The following SNTG1 variants were observed in gnomAD, a reference collection of about 807,000 sequenced individuals.
SNTG1 encodes the protein syntrophin gamma 1.
Under a neutral mutation model 74.7 loss-of-function variants are expected in SNTG1, and 39 were observed. The ratio of observed to expected loss-of-function variants is 0.52; its 90% CI spans 0.40 to 0.68. SNTG1 has a LOEUF of 0.68. Ranked by LOEUF, SNTG1 falls within the 30% of genes least tolerant of loss-of-function variation. The pLI, the probability that SNTG1 is intolerant of heterozygous loss-of-function variation, is 0.00. For synonymous variants in SNTG1, 254 were observed against 217.1 expected (o/e 1.17, Z -1.49); for missense variants, 685 against 609.5 (o/e 1.12, Z -1.30).
At chr8:50,747,437 T>TTG (rs1554625748) in intron 17 of SNTG1, among the ~76,000 whole-genome samples, 10 of 151,652 alleles carry the variant, frequency 6.6e-5, no homozygotes, top group Non-Finnish European at 1.3e-4. Context: ...ACAAGTTTTT[T>TTG]TGTGCATGTG....
chr8:50,434,017 C>T (rs1228241119), intron 4 of SNTG1, among the ~76,000 whole-genome samples: 1 of 151,866 alleles, frequency 6.6e-6, no homozygotes, highest in African/African-American at 2.4e-5. Context: ...TTAGGTATAT[C>T]TCCTAATGCT....
chr8:50,183,721 T>A (rs2083287476), intron 2 of SNTG1, among the ~76,000 whole-genome samples: 1 of 152,198 alleles, frequency 6.6e-6, no homozygotes, highest in South Asian at 2.1e-4. Context: ...CATACAACTA[T>A]GCTGATGAGT....
chr8:50,533,891 A>G (rs2130366176), intron 10 of SNTG1, among the ~76,000 whole-genome samples: 1 of 152,320 alleles, frequency 6.6e-6, no homozygotes, highest in Non-Finnish European at 1.5e-5. Flanking sequence ...AAGATTTGTA[A>G]AACCTACCGT....
chr8:50,247,652 C>T (rs919837604), intron 2 of SNTG1, among the ~76,000 whole-genome samples: 2 of 151,230 alleles, frequency 1.3e-5, no homozygotes, highest in Non-Finnish European at 2.9e-5. Flanking sequence ...ACTAACGGTG[C>T]ATTCCACCAG....
chr8:50,491,302 C>G (rs1462610687), intron 8 of SNTG1: 7 of 152,234 alleles, frequency 4.6e-5, no homozygotes, highest in African/African-American at 1.7e-4. Flanking sequence ...ATTCCTAGGC[C>G]TCTGGGAGTT....
intron 1 of SNTG1, among the ~76,000 whole-genome samples, chr8:50,114,651 G>T (rs1454500619): frequency 6.6e-6 from 1 of 152,094 alleles, no homozygotes; most frequent in East Asian, 1.9e-4. Context: ...TGGATCACGA[G>T]GTCAAGAGAC....
chr8:50,379,475 G>C (rs551275247), intron 2 of SNTG1, among the ~76,000 whole-genome samples: 16 of 152,226 alleles, frequency 1.1e-4, no homozygotes, highest in East Asian at 2.0e-4. Context: ...GGGATGTCTG[G>C]ATCCACAGCT....
chr8:50,245,708 CAA>C (rs1412298017), intron 2 of SNTG1, among the ~76,000 whole-genome samples: 1 of 151,744 alleles, frequency 6.6e-6, no homozygotes, highest in Non-Finnish European at 1.5e-5. Flanking sequence ...CAAAAGAAAA[CAA>C]AACAAAAAAA....
intron 2 of SNTG1, among the ~76,000 whole-genome samples, chr8:50,349,911 G>C (rs1189179521): frequency 1.3e-5 from 2 of 152,174 alleles, no homozygotes; most frequent in Non-Finnish European, 2.9e-5. Flanking sequence ...TTGCAGGGAG[G>C]TGTGGAGTGA....
At chr8:50,508,161 A>C (rs2094026933) in intron 9 of SNTG1, among the ~76,000 whole-genome samples, 1 of 152,182 alleles carries the variant, frequency 6.6e-6, no homozygotes, top group Admixed American at 6.5e-5. Context: ...GAGTGAGAAC[A>C]AGCAGTGTTT....
chr8:50,324,797 T>A (rs1156837191), intron 2 of SNTG1, among the ~76,000 whole-genome samples: 1 of 151,908 alleles, frequency 6.6e-6, no homozygotes, highest in Non-Finnish European at 1.5e-5. Context: ...ACTATGCCTC[T>A]GGTTATATAT....
chr8:50,409,609 G>T (rs1335410169), intron 4 of SNTG1, among the ~76,000 whole-genome samples: 3 of 152,128 alleles, frequency 2.0e-5, no homozygotes, highest in Admixed American at 2.0e-4. Context: ...TTCCCCTGGT[G>T]CTCCAGGGGA....
chr8:50,325,862 A>G (rs532765375), intron 2 of SNTG1, among the ~76,000 whole-genome samples: 3 of 152,156 alleles, frequency 2.0e-5, no homozygotes, highest in African/African-American at 7.2e-5. Context: ...GTGTGATGTC[A>G]GTTATTCTGT....
chr8:50,658,624 A>G lies in SNTG1; in HGVS notation c.999A>G (p.Lys333=). Residue 333 remains lysine (K), a synonymous_variant, in exon 15 of 19, where the codon AAA becomes AAG. Transcript: ENST00000642720. ...VTTWDWTRAE[K]TFSVYEIMCK... is the part of the protein sequence containing the mutation. ...CCTGGGACTGGACGAGAGCAGAGAAAACATTCTCAGTTTATGAGATTATGT... is the reference window on the plus strand; with the variant it reads ...CCTGGGACTGGACGAGAGCAGAGAAGACATTCTCAGTTTATGAGATTATGT... 1 of 1,610,594 alleles carries G rather than the reference A, an allele frequency of 6.2e-7. No homozygotes were observed. The highest frequency in any genetic ancestry group is 8.5e-7 in the Non-Finnish European group (1 of 1,177,576).
chr8:50,788,716 T>G (rs2095682861), intron 18 of SNTG1, among the ~76,000 whole-genome samples: 1 of 152,056 alleles, frequency 6.6e-6, no homozygotes, highest in Non-Finnish European at 1.5e-5. Context: ...TTCTCAACAC[T>G]TCCTGCTTTA....
intron 2 of SNTG1, among the ~76,000 whole-genome samples, chr8:50,322,799 T>A (rs183113298): frequency 1.2e-3 from 180 of 152,072 alleles, no homozygotes; most frequent in African/African-American, 4.0e-3. Context: ...TTCTTTCTTC[T>A]GCTTGATCAA....
chr8:50,493,088 G>A (rs1019044239), intron 8 of SNTG1, among the ~76,000 whole-genome samples: 5 of 152,172 alleles, frequency 3.3e-5, no homozygotes, highest in Admixed American at 6.5e-5. Context: ...TTAATAAATG[G>A]TGTTGGGAAA....
chr8:50,215,440 A>C, intron 2 of SNTG1, among the ~76,000 whole-genome samples: 1 of 147,232 alleles, frequency 6.8e-6, no homozygotes, highest in Non-Finnish European at 1.5e-5. Context: ...TATATAGTCT[A>C]TATATATGTA....
chr8:50,388,792 T>G (rs1488677420), intron 2 of SNTG1, among the ~76,000 whole-genome samples: 2 of 152,230 alleles, frequency 1.3e-5, no homozygotes, highest in Non-Finnish European at 2.9e-5. Flanking sequence ...TAAAGTGAGT[T>G]GATTATATAT....
Sources: allele counts gnomAD v4.1 joint callset (sites outside exome capture counted in the v4.1 genomes callset), GRCh38; gene constraint gnomAD v4.1.1; transcripts MANE v1.5; gene names NCBI Gene and HGNC (gene_info 2026-07-23, HGNC 2026-07-21).